ZMYM4: variants seen among roughly 807,000 people sequenced by gnomAD.
ZMYM4 encodes the protein zinc finger MYM-type containing 4.
In ZMYM4, 31 loss-of-function variants were observed where a neutral mutation model predicts 183.2. The observed-to-expected ratio is 0.17, with a 90% CI of 0.13 to 0.23. The LOEUF (loss-of-function observed/expected upper bound fraction) is 0.23, where lower values mean the gene tolerates loss of function less well. Ranked by LOEUF, ZMYM4 falls within the 10% of genes least tolerant of loss-of-function variation. ZMYM4 has a pLI of 1.00. For synonymous variants in ZMYM4, 592 were observed against 631.2 expected (o/e 0.94, Z 0.93); for missense variants, 1,273 against 1,840.3 (o/e 0.69, Z 5.64).
chr1:35,376,993 G>A (rs143918122), intron 7 of ZMYM4, among the ~76,000 whole-genome samples: 2,058 of 151,910 alleles, frequency 0.014, 50 homozygotes, highest in African/African-American at 0.047. Flanking sequence ...TGCAACTTCC[G>A]CCTCCCAGGT....
At chr1:35,306,797 T>A (rs1171208089) in intron 1 of ZMYM4, among the ~76,000 whole-genome samples, 4 of 152,248 alleles carry the variant, frequency 2.6e-5, no homozygotes, top group Non-Finnish European at 4.4e-5. Context: ...GCAAATGCTT[T>A]TTCATCCTTC....
At chr1:35,381,969 A>G (rs1251769112) in intron 9 of ZMYM4, among the ~76,000 whole-genome samples, 1 of 151,724 alleles carries the variant, frequency 6.6e-6, no homozygotes, top group Non-Finnish European at 1.5e-5. Flanking sequence ...ACATGGAGAA[A>G]CCCCATCTCT....
At chr1:35,273,719 T>G (rs985229023) in intron 1 of ZMYM4, among the ~76,000 whole-genome samples, 1 of 152,210 alleles carries the variant, frequency 6.6e-6, no homozygotes, top group African/African-American at 2.4e-5. Context: ...CATTTGTGTC[T>G]GTATATGCTT....
chr1:35,269,750 A>G (rs753689112), intron 1 of ZMYM4, among the ~76,000 whole-genome samples: 56 of 152,206 alleles, frequency 3.7e-4, no homozygotes, highest in Non-Finnish European at 6.9e-4. Flanking sequence ...TACCCAATCA[A>G]CCTGCAGAGG....
At chr1:35,344,156 C>T (rs938315567) in intron 2 of ZMYM4, among the ~76,000 whole-genome samples, 1 of 151,570 alleles carries the variant, frequency 6.6e-6, no homozygotes, top group South Asian at 2.1e-4. Context: ...TGGGTTCAAG[C>T]GATTCTCGTG....
intron 1 of ZMYM4, among the ~76,000 whole-genome samples, chr1:35,289,488 G>A (rs1640656235): frequency 1.3e-5 from 2 of 152,100 alleles, no homozygotes; most frequent in South Asian, 4.1e-4. Flanking sequence ...GAAAACTGGG[G>A]AAAGAATACA....
intron 5 of ZMYM4, among the ~76,000 whole-genome samples, chr1:35,367,967 A>G (rs917711725): frequency 2.0e-5 from 3 of 152,134 alleles, no homozygotes; most frequent in African/African-American, 4.8e-5. Flanking sequence ...CTCTGTCTCA[A>G]AAAAGAAAAA....
chr1:35,327,184 A>G (rs1014994605), intron 2 of ZMYM4, among the ~76,000 whole-genome samples: 16 of 152,210 alleles, frequency 1.1e-4, no homozygotes, highest in Non-Finnish European at 1.3e-4. Context: ...TCAGTGCTAC[A>G]GCAAAATAAC....
rs1644467777 is a variant in ZMYM4, at chr1:35,381,990, C to T, written c.1569+232C>T. Among the ~76,000 whole-genome samples, 4 of 151,660 alleles carry T rather than the reference C, an allele frequency of 2.6e-5. No individual in the cohort carries two copies. In the South Asian group the frequency reaches 8.3e-4, roughly 32 times the overall value. On this transcript the variant is annotated intron_variant, in intron 9 of 29. Coordinates refer to ENST00000314607, the MANE Select transcript of ZMYM4 (RefSeq NM_005095.3). ...AGAAACCCCATCTCTACTAAAAATA[C>T]AAAAATTAGCCAGGTGTGGTGGCAC...
rs1048064088 is a variant in ZMYM4 at position 35,347,640 on chromosome 1, AG to A, written c.86-11284del. ...ATCTGCTGTGACAAGTGAAGAGAGA[AG>A]ATGAAAATACAGATTTTTGTTTTAT... On this transcript the variant is annotated intron_variant, in intron 2 of 29. Coordinates refer to ENST00000314607, the MANE Select transcript of ZMYM4 (RefSeq NM_005095.3). Among the ~76,000 whole-genome samples, 13 of 152,310 alleles carry A rather than the reference AG, an allele frequency of 8.5e-5. 2 individuals carry two copies. Among genetic ancestry groups the A allele is most frequent in the African/African-American group, 2.6e-4 (11 of 41,574 alleles).
chr1:35,292,798 C>T (rs969846348), intron 1 of ZMYM4, among the ~76,000 whole-genome samples: 4 of 152,100 alleles, frequency 2.6e-5, no homozygotes, highest in African/African-American at 9.7e-5. Context: ...CCGCGCCCTG[C>T]GATTTAGTTG....
intron 1 of ZMYM4, among the ~76,000 whole-genome samples, chr1:35,269,629 C>T (rs1639496409): frequency 6.6e-6 from 1 of 152,078 alleles, no homozygotes; most frequent in Non-Finnish European, 1.5e-5. Context: ...GTTGGCATGT[C>T]CTGATTTAGG....
At chr1:35,366,787 G>A (rs370778502) in intron 5 of ZMYM4, among the ~76,000 whole-genome samples, 1 of 152,114 alleles carries the variant, frequency 6.6e-6, no homozygotes, top group Non-Finnish European at 1.5e-5. Flanking sequence ...CAAGCGGGGG[G>A]CGAATCACTT....
chr1:35,387,297 A>G lies in ZMYM4; in HGVS notation c.2112+19A>G. ...CTATAAGGTAAAGTATAGCATGTTC[A>G]TGATAAGATTTTGAGTATACGTGGG... On this transcript the variant is annotated intron_variant, in intron 12 of 29. Transcript: ENST00000314607. 6.2e-7 allele frequency: 1 copy of G among 1,608,718 alleles called. No homozygotes were observed. Among genetic ancestry groups the G allele is most frequent in the Non-Finnish European group, 8.5e-7 (1 of 1,175,608 alleles).
intron 2 of ZMYM4, among the ~76,000 whole-genome samples, chr1:35,326,132 T>C (rs1642493989): frequency 6.6e-6 from 1 of 152,168 alleles, no homozygotes; most frequent in Non-Finnish European, 1.5e-5. Context: ...TGACTTTAGG[T>C]GAAATGACAT....
chr1:35,378,289 C>T (rs1215791601), intron 7 of ZMYM4, among the ~76,000 whole-genome samples: 1 of 152,196 alleles, frequency 6.6e-6, no homozygotes, highest in African/African-American at 2.4e-5. Context: ...TGGATTTCCT[C>T]TCATTAATCA....
chr1:35,398,323 T>C (rs992122141), intron 20 of ZMYM4, 90 bp from the exon 21 acceptor site: 2 of 1,081,502 alleles, frequency 1.8e-6, no homozygotes, highest in African/African-American at 3.2e-5. Flanking sequence ...AACTTTGTAG[T>C]ATGATTGATG....
intron 2 of ZMYM4, among the ~76,000 whole-genome samples, chr1:35,338,756 A>AT (rs1290370535): frequency 1.3e-5 from 2 of 151,818 alleles, no homozygotes; most frequent in Admixed American, 6.6e-5. Flanking sequence ...GGTATTTTTA[A>AT]TTTTTTTTGT....
intron 2 of ZMYM4, among the ~76,000 whole-genome samples, chr1:35,355,947 G>A (rs556344862): frequency 6.6e-6 from 1 of 152,204 alleles, no homozygotes; most frequent in South Asian, 2.1e-4. Context: ...ATGATAAGGG[G>A]CTGGGTGCAG....
Sources: allele counts gnomAD v4.1 joint callset (sites outside exome capture counted in the v4.1 genomes callset), GRCh38; gene constraint gnomAD v4.1.1; transcripts MANE v1.5; gene names NCBI Gene and HGNC (gene_info 2026-07-23, HGNC 2026-07-21).